The following AHCYL2 variants were observed in gnomAD, a reference collection of about 807,000 sequenced individuals.
AHCYL2 encodes S-adenosylhomocysteine hydrolase-like protein 2.
AHCYL2 carries 28 observed loss-of-function variants against 81.4 expected under a neutral mutation model. The ratio of observed to expected loss-of-function variants is 0.34; its 90% confidence interval spans 0.25 to 0.47. The LOEUF (loss-of-function observed/expected upper bound fraction) is 0.47. Among genes scored for constraint, AHCYL2 ranks in the 20% least tolerant of loss-of-function variants. The pLI is 1.00. For missense variants in AHCYL2, 551 were observed against 785.1 expected, an observed-to-expected ratio of 0.70 and a Z score of 3.56; for synonymous variants, 272 against 290.2, an observed-to-expected ratio of 0.94 and a Z score of 0.64.
chr7:129,325,256 A>G (rs1272579650), intron 1 of AHCYL2, among the ~76,000 whole-genome samples: 1 of 151,794 alleles, frequency 6.6e-6, no homozygotes, highest in Non-Finnish European at 1.5e-5. Flanking sequence ...AAAAGTCTGT[A>G]TTTTGCCTTT....
intron 1 of AHCYL2, among the ~76,000 whole-genome samples, chr7:129,331,250 C>T (rs1261131898): frequency 1.3e-5 from 2 of 151,960 alleles, no homozygotes; most frequent in Non-Finnish European, 2.9e-5. Flanking sequence ...GCTTTTCTGG[C>T]GGGTACTTTG....
intron 1 of AHCYL2, among the ~76,000 whole-genome samples, chr7:129,261,634 G>A (rs545721858): frequency 2.1e-4 from 32 of 152,152 alleles, no homozygotes; most frequent in African/African-American, 7.7e-4. Flanking sequence ...CTACCCCACC[G>A]TAGGCTAACA....
chr7:129,410,159 G>A, intron 11 of AHCYL2: 2 of 1,604,210 alleles, frequency 1.2e-6, no homozygotes, highest in South Asian at 2.2e-5. Context: ...ATTGGGCTTG[G>A]GTTGGGGTTT....
intron 13 of AHCYL2, among the ~76,000 whole-genome samples, chr7:129,423,982 G>A (rs771904173): frequency 2.0e-5 from 3 of 152,116 alleles, no homozygotes; most frequent in Admixed American, 6.5e-5. Context: ...GTCCCACCTG[G>A]TAATTTTGGT....
intron 1 of AHCYL2, among the ~76,000 whole-genome samples, chr7:129,279,806 G>C (rs1266026849): frequency 6.6e-6 from 1 of 152,160 alleles, no homozygotes; most frequent in East Asian, 1.9e-4. Context: ...ATGTTGCCAT[G>C]GTATTTGTAA....
rs148295579 is a variant in AHCYL2 at position 129,389,122 on chromosome 7, A to G, written c.542A>G (p.Lys181Arg). The change falls in exon 3 of 17, where the codon AAG becomes AGG. Residue 181 changes from lysine (K) to arginine (R), a missense_variant. Coordinates refer to ENST00000325006, the MANE Select transcript of AHCYL2 (RefSeq NM_015328.4). ...AGGGACAAGCAGCAAAAGAACTCTA[A>G]GGGAAGCAGTGACTTCTGTGTTAAG... ...SPRDKQQKNS[K>R]GSSDFCVKNI... 86 of 1,613,960 alleles carry G rather than the reference A, an allele frequency of 5.3e-5. No individual in the cohort carries two copies. The highest frequency in any genetic ancestry group is 7.2e-5 in the Non-Finnish European group (85 of 1,179,962).
intron 1 of AHCYL2, among the ~76,000 whole-genome samples, chr7:129,239,377 G>C (rs1794761302): frequency 1.3e-5 from 2 of 151,946 alleles, no homozygotes; most frequent in African/African-American, 4.8e-5. Flanking sequence ...ATTCGTTGTT[G>C]AGTAGATGTT....
chr7:129,268,713 A>T (rs1474790240), intron 1 of AHCYL2, among the ~76,000 whole-genome samples: 1 of 152,168 alleles, frequency 6.6e-6, no homozygotes, highest in Non-Finnish European at 1.5e-5. Context: ...GTTTAAACAA[A>T]CCAAAAGTAA....
chr7:129,314,905 A>T (rs1188173124), intron 1 of AHCYL2, among the ~76,000 whole-genome samples: 1 of 152,084 alleles, frequency 6.6e-6, no homozygotes, highest in East Asian at 1.9e-4. Flanking sequence ...TGGTTGGCTT[A>T]TTTGCTGCTT....
At chr7:129,225,529 C>T in intron 1 of AHCYL2, 90 bp downstream of exon 1, 4 of 1,400,512 alleles carry the variant, frequency 2.9e-6, no homozygotes, top group Non-Finnish European at 3.7e-6. Context: ...CCTCCACGCC[C>T]TCCTTTCTGA....
chr7:129,323,350 C>A (rs897590533), intron 1 of AHCYL2, among the ~76,000 whole-genome samples: 2 of 152,020 alleles, frequency 1.3e-5, no homozygotes, highest in African/African-American at 4.8e-5. Context: ...TATATAATTT[C>A]AAAATATTTG....
chr7:129,403,144 G>A (rs1796114342), intron 6 of AHCYL2, among the ~76,000 whole-genome samples: 2 of 152,076 alleles, frequency 1.3e-5, no homozygotes, highest in African/African-American at 2.4e-5. Flanking sequence ...GGGGAGGGTC[G>A]TTTGGCTGCG....
At chr7:129,336,361 C>T (rs1345887344) in intron 1 of AHCYL2, among the ~76,000 whole-genome samples, 1 of 152,106 alleles carries the variant, frequency 6.6e-6, no homozygotes, top group Admixed American at 6.5e-5. Context: ...AGCCACCCCA[C>T]CCAGCCTGAA....
chr7:129,409,600 A>G, intron 11 of AHCYL2, 54 bp downstream of exon 11: 2 of 1,433,554 alleles, frequency 1.4e-6, no homozygotes, highest in South Asian at 2.4e-5. Flanking sequence ...TTTATGGAGC[A>G]GGTGCAAGAT....
chr7:129,231,009 G>C (rs924227445), intron 1 of AHCYL2, among the ~76,000 whole-genome samples: 1 of 152,150 alleles, frequency 6.6e-6, no homozygotes, highest in African/African-American at 2.4e-5. Flanking sequence ...GAGGTGGGCA[G>C]ATCATGAGGT....
At chr7:129,375,852 G>T in intron 1 of AHCYL2, 1 of 1,535,868 alleles carries the variant, frequency 6.5e-7, no homozygotes. Flanking sequence ...AGGTGGCAGT[G>T]GGGCTGGTAA....
At chr7:129,316,330 T>C (rs1797823335) in intron 1 of AHCYL2, among the ~76,000 whole-genome samples, 1 of 152,118 alleles carries the variant, frequency 6.6e-6, no homozygotes, top group South Asian at 2.1e-4. Context: ...TCCCAAATAT[T>C]TGAAGGGTGT....
At chr7:129,395,299 T>C (rs1201220883) in intron 4 of AHCYL2, among the ~76,000 whole-genome samples, 1 of 152,234 alleles carries the variant, frequency 6.6e-6, no homozygotes, top group Non-Finnish European at 1.5e-5. Flanking sequence ...CTTTGTTTCC[T>C]GGGGCTAAGC....
At chr7:129,235,121 A>G (rs1398958476) in intron 1 of AHCYL2, among the ~76,000 whole-genome samples, 1 of 152,076 alleles carries the variant, frequency 6.6e-6, no homozygotes, top group East Asian at 1.9e-4. Flanking sequence ...CTTTTTTTTC[A>G]GTCCTCATCT....
Sources: gnomAD v4.1 joint callset for allele counts (sites outside exome capture counted in the v4.1 genomes callset) on GRCh38, gnomAD v4.1.1 for gene constraint, MANE v1.5 for transcripts, NCBI Gene and HGNC (gene_info 2026-07-23, HGNC 2026-07-21) for gene names.